Variants in RPRD1A observed in about 807,000 individuals in gnomAD.
RPRD1A encodes regulation of nuclear pre-mRNA domain-containing protein 1A.
Under a neutral mutation model 37.8 loss-of-function variants are expected in RPRD1A, and 9 were observed. The ratio of observed to expected loss-of-function variants is 0.24; its 90% CI spans 0.14 to 0.42. The LOEUF is 0.42. RPRD1A is among the 10% of genes least tolerant of loss of function. The pLI, the probability that RPRD1A is intolerant of heterozygous loss-of-function variation, is 1.00. For synonymous variants in RPRD1A, 138 were observed against 139.7 expected (o/e 0.99, Z 0.08); for missense variants, 255 against 371.0 (o/e 0.69, Z 2.57).
At chr18:36,042,866 G>A (rs1912681667) in intron 1 of RPRD1A, among the ~76,000 whole-genome samples, 1 of 152,024 alleles carries the variant, frequency 6.6e-6, no homozygotes, top group African/African-American at 2.4e-5. Context: ...CAACCTCTCA[G>A]AAAAACGACT....
At chr18:36,015,834 G>T (rs1307256724) in intron 6 of RPRD1A, among the ~76,000 whole-genome samples, 1 of 152,178 alleles carries the variant, frequency 6.6e-6, no homozygotes, top group Non-Finnish European at 1.5e-5. Context: ...TGTTGAATGG[G>T]TAGGTACAGA....
At chr18:36,046,121 C>T (rs1220502472) in intron 1 of RPRD1A, among the ~76,000 whole-genome samples, 1 of 152,126 alleles carries the variant, frequency 6.6e-6, no homozygotes, top group Non-Finnish European at 1.5e-5. Flanking sequence ...AAACAGAAAA[C>T]ATTTTACACA....
At chr18:36,016,491 GGGA>G (rs1233186973) in intron 6 of RPRD1A, among the ~76,000 whole-genome samples, 2 of 152,304 alleles carry the variant, frequency 1.3e-5, no homozygotes, top group Admixed American at 1.3e-4. Context: ...CCATAGTGCT[GGGA>G]TTACAGGCAT....
rs918092038 is a variant in RPRD1A, at chr18:36,048,542, A to G, written c.152-14705T>C. Among the ~76,000 whole-genome samples, 3 of 152,292 alleles carry G rather than the reference A, an allele frequency of 2.0e-5. No individual in the cohort carries two copies. The South Asian group carries it at 6.2e-4, about 32-fold the overall frequency. ...AAAGAAAAACTGCATGGTCAAATCA[A>G]TTAATGCAGAAGAGGCTTCTGACAA... is the stretch of plus-strand genomic sequence containing the variant. On this transcript the variant is annotated intron_variant, in intron 1 of 6. Coordinates refer to ENST00000399022, the MANE Select transcript of RPRD1A (RefSeq NM_018170.5).
Position 36,067,508 on chromosome 18 carries a change from G to C in RPRD1A, c.-104C>G. On this transcript the variant is annotated 5_prime_UTR_variant, in exon 1 of 7. Coordinates refer to ENST00000399022, the MANE Select transcript of RPRD1A (RefSeq NM_018170.5). Reference sequence around the variant, plus strand: ...GCCCCCTCACCCCACCCTTCCCCACGCTCTCACCACGGCCGCCGCTTCATC... The same window carrying C: ...GCCCCCTCACCCCACCCTTCCCCACCCTCTCACCACGGCCGCCGCTTCATC... 1.6e-6 allele frequency: 2 copies of C among 1,227,068 alleles called. No individual in the cohort carries two copies. The highest frequency in any genetic ancestry group is 2.2e-6 in the Non-Finnish European group (2 of 890,154). The allele number at this position is 1,227,068 out of a possible 1,614,324, so 76.0% of individuals were successfully genotyped here.
At chr18:36,021,412 C>G (rs1671324664) in intron 6 of RPRD1A, among the ~76,000 whole-genome samples, 1 of 152,204 alleles carries the variant, frequency 6.6e-6, no homozygotes, top group Non-Finnish European at 1.5e-5. Context: ...AGACAGCAAA[C>G]TTAATCCACA....
intron 2 of RPRD1A, among the ~76,000 whole-genome samples, chr18:36,032,215 T>C (rs1247988444): frequency 6.6e-6 from 1 of 152,192 alleles, no homozygotes; most frequent in Admixed American, 6.5e-5. Flanking sequence ...TATCTACTTA[T>C]TAACTTTGTC....
chr18:36,021,429 G>A (rs889044647), intron 6 of RPRD1A, among the ~76,000 whole-genome samples: 2 of 152,174 alleles, frequency 1.3e-5, no homozygotes, highest in African/African-American at 4.8e-5. Context: ...CACACACATT[G>A]TGTTCTCACT....
intron 6 of RPRD1A, among the ~76,000 whole-genome samples, 176 bp from the exon 7 acceptor site, chr18:35,993,476 CTAT>C (rs1483364075): frequency 6.6e-6 from 1 of 152,160 alleles, no homozygotes; most frequent in African/African-American, 2.4e-5. Flanking sequence ...AACTAGTAAA[CTAT>C]TATTATTAAG....
At position 36,067,506 on chromosome 18, in the gene RPRD1A, A is replaced by G. The variant is rs978460812; in HGVS notation, c.-102T>C. The G allele has an allele frequency of 9.7e-6, 12 of 1,235,352 alleles. No homozygotes were observed. Among genetic ancestry groups the G allele is most frequent in the Non-Finnish European group, 1.2e-5 (11 of 897,298 alleles). 76.5% of individuals were successfully genotyped at this position (1,235,352 alleles called of 1,614,324 possible). A position where few individuals can be genotyped will look rare whatever the true frequency, so the allele number is the denominator to read the frequency against. On this transcript the variant is annotated 5_prime_UTR_variant, in exon 1 of 7. Transcript: ENST00000399022. ...TCGCCCCCTCACCCCACCCTTCCCCACGCTCTCACCACGGCCGCCGCTTCA... is the reference window on the plus strand; with the variant it reads ...TCGCCCCCTCACCCCACCCTTCCCCGCGCTCTCACCACGGCCGCCGCTTCA...
At chr18:36,066,848 C>T (rs2089040827) in intron 1 of RPRD1A, among the ~76,000 whole-genome samples, 1 of 152,188 alleles carries the variant, frequency 6.6e-6, no homozygotes, top group Non-Finnish European at 1.5e-5. Flanking sequence ...TAAGTTGCTG[C>T]GTTACAGAAA....
At chr18:36,035,432 A>G (rs1431355360) in intron 1 of RPRD1A, among the ~76,000 whole-genome samples, 92 of 152,166 alleles carry the variant, frequency 6.0e-4, no homozygotes, top group Non-Finnish European at 1.6e-4. Context: ...AGCCAAAAAC[A>G]TTATTTGCCC....
At chr18:36,022,968 CAAT>C (rs900903703) in intron 6 of RPRD1A, among the ~76,000 whole-genome samples, 3 of 152,102 alleles carry the variant, frequency 2.0e-5, no homozygotes, top group Non-Finnish European at 4.4e-5. Context: ...TCCAAAATAA[CAAT>C]AATAAAAAAT....
At chr18:36,015,319 T>A (rs1239570684) in intron 6 of RPRD1A, among the ~76,000 whole-genome samples, 1 of 151,760 alleles carries the variant, frequency 6.6e-6, no homozygotes, top group Non-Finnish European at 1.5e-5. Context: ...TTCAAGTGAT[T>A]CTCCTGCCTC....
At position 35,990,582 on chromosome 18, in the gene RPRD1A, G is replaced by A. The variant is rs1305528405; in HGVS notation, c.*2569C>T. The A allele has an allele frequency of 6.6e-6, 1 of 152,150 alleles. No homozygotes were observed. The highest frequency in any genetic ancestry group is 1.9e-4 in the East Asian group (1 of 5,202). 9.4% of individuals were successfully genotyped at this position (152,150 alleles called of 1,614,324 possible). ...AGAATCTGTTCAGATTGTGACTCCA[G>A]ACAGCTCTCTGCACTGTATGTGGAG... On this transcript the variant is annotated 3_prime_UTR_variant, in exon 7 of 7. Transcript: ENST00000399022.
intron 6 of RPRD1A, chr18:36,026,105 A>T (rs1482400839): frequency 6.4e-6 from 1 of 155,738 alleles, no homozygotes; most frequent in Non-Finnish European, 1.4e-5. Flanking sequence ...ATCAATAACT[A>T]AACACTAATA....
chr18:36,037,867 G>C (rs1912310040), intron 1 of RPRD1A, among the ~76,000 whole-genome samples: 1 of 152,140 alleles, frequency 6.6e-6, no homozygotes, highest in African/African-American at 2.4e-5. Flanking sequence ...CCCTGCCCTA[G>C]AGATCTGTGG....
At chr18:36,029,845 A>G (rs1394918885) in intron 4 of RPRD1A, among the ~76,000 whole-genome samples, 2 of 151,234 alleles carry the variant, frequency 1.3e-5, no homozygotes, top group Non-Finnish European at 2.9e-5. Flanking sequence ...TCGCTCTGTC[A>G]CCCAGGATGG....
chr18:36,036,905 A>C (rs1458607323), intron 1 of RPRD1A, among the ~76,000 whole-genome samples: 1 of 152,194 alleles, frequency 6.6e-6, no homozygotes, highest in African/African-American at 2.4e-5. Flanking sequence ...GACTTAGTTA[A>C]TTCCTATGTT....
Sources: allele counts gnomAD v4.1 joint callset (sites outside exome capture counted in the v4.1 genomes callset), GRCh38; gene constraint gnomAD v4.1.1; transcripts MANE v1.5; gene names NCBI Gene and HGNC (gene_info 2026-07-23, HGNC 2026-07-21).